EGFL6: variants seen among roughly 807,000 people sequenced by gnomAD.
EGFL6 encodes the protein EGF like domain multiple 6, also known as epidermal growth factor-like protein 6.
A neutral mutation model predicts 43.1 loss-of-function variants in EGFL6; 42 were observed. That is an observed-to-expected ratio of 0.98 (90% confidence interval 0.76 to 1.26). The LOEUF (loss-of-function observed/expected upper bound fraction) is 1.26, where lower values mean the gene tolerates loss of function less well. EGFL6 is among the 50% of genes most tolerant of loss of function. EGFL6 has a pLI of 0.00. For synonymous variants in EGFL6, 164 were observed against 163.2 expected (o/e 1.01, Z -0.04); for missense variants, 429 against 427.8 (o/e 1.00, Z -0.02).
chrX:13,570,548 C>G (rs1195897641), intron 1 of EGFL6, among the ~76,000 whole-genome samples: 3 of 111,943 alleles, frequency 2.7e-5, no homozygotes, highest in African/African-American at 9.8e-5. Flanking sequence ...GCAATGCAGA[C>G]TCTGAAGCCG....
intron 11 of EGFL6, among the ~76,000 whole-genome samples, chrX:13,629,185 C>T (rs1026399506): frequency 8.9e-5 from 10 of 112,188 alleles, no homozygotes; most frequent in Non-Finnish European, 1.7e-4. Context: ...TATAGCAGTA[C>T]ATTTAAATCA....
chrX:13,615,770 A>T (rs377145945), intron 7 of EGFL6, among the ~76,000 whole-genome samples: 1 of 111,941 alleles, frequency 8.9e-6, no homozygotes, highest in East Asian at 2.8e-4. Flanking sequence ...TTTTCAAAGC[A>T]TTTTTCCCCC....
chrX:13,587,629 G>A (rs2045540887), intron 1 of EGFL6, among the ~76,000 whole-genome samples: 1 of 112,085 alleles, frequency 8.9e-6, no homozygotes, highest in African/African-American at 3.2e-5. Flanking sequence ...GGTCAAGATT[G>A]TGGTATCCCT....
At chrX:13,616,859 A>ATTTTTT (rs773399610) in intron 7 of EGFL6, among the ~76,000 whole-genome samples, 1 of 88,985 alleles carries the variant, frequency 1.1e-5, no homozygotes, top group Non-Finnish European at 2.2e-5. Flanking sequence ...CTAGAGGTAC[A>ATTTTTT]TTTTTTTTTT....
intron 1 of EGFL6, among the ~76,000 whole-genome samples, chrX:13,584,694 G>A (rs772454690): frequency 4.5e-5 from 5 of 111,962 alleles, no homozygotes; most frequent in Non-Finnish European, 9.4e-5. Context: ...TCCCTCTGAC[G>A]CTCTATATCC....
chrX:13,622,524 A>C (rs1388712523), intron 9 of EGFL6, among the ~76,000 whole-genome samples: 1 of 112,142 alleles, frequency 8.9e-6, no homozygotes, highest in Non-Finnish European at 1.9e-5. Context: ...TAAAGCCCCA[A>C]AATCAGAGCC....
intron 1 of EGFL6, among the ~76,000 whole-genome samples, chrX:13,580,950 TA>T (rs766982186): frequency 8.9e-6 from 1 of 112,067 alleles, no homozygotes; most frequent in Non-Finnish European, 1.9e-5. Context: ...GCTGTCTTGA[TA>T]ACACTTGCTT....
intron 1 of EGFL6, 83 bp from the exon 2 acceptor site, chrX:13,589,473 T>C (rs760895925): frequency 1.3e-6 from 1 of 790,163 alleles, no homozygotes; most frequent in East Asian, 3.6e-5. Context: ...GTAATTGACA[T>C]CTCTGGTTCT....
In EGFL6 at chrX:13,580,825, A is replaced by G. The variant is rs187925048; in HGVS notation, c.75-8731A>G. Among the ~76,000 whole-genome samples, 140 of 112,426 alleles carry G rather than the reference A, an allele frequency of 1.2e-3. 1 individual carries two copies. Among genetic ancestry groups the G allele is most frequent in the Middle Eastern group, 4.6e-3 (1 of 219 alleles). ...TAAAATTCATTCTACTTAAAATGAC[A>G]TAAATGGCTCTACTTGACCTAGACT... On this transcript the variant is annotated intron_variant, in intron 1 of 11. Coordinates refer to ENST00000361306, the MANE Select transcript of EGFL6 (RefSeq NM_015507.4).
At chrX:13,606,556 C>T in intron 6 of EGFL6, 43 bp downstream of exon 6, 2 of 1,185,702 alleles carry the variant, frequency 1.7e-6, no homozygotes, top group South Asian at 1.8e-5. Context: ...CTGTCCCCAC[C>T]AAACCTTTGA....
chrX:13,611,603 A>G (rs1325059695), intron 7 of EGFL6, among the ~76,000 whole-genome samples: 1 of 112,364 alleles, frequency 8.9e-6, no homozygotes, highest in African/African-American at 3.2e-5. Context: ...ATGCAATTAG[A>G]TAGTTGTTTG....
At chrX:13,597,694 G>T (rs964493317) in intron 3 of EGFL6, among the ~76,000 whole-genome samples, 2 of 111,325 alleles carry the variant, frequency 1.8e-5, no homozygotes, top group African/African-American at 6.5e-5. Flanking sequence ...TGAGGCAGGA[G>T]AATCACATGA....
At chrX:13,599,904 G>A in intron 3 of EGFL6, 71 bp from the exon 4 acceptor site, 1 of 1,137,564 alleles carries the variant, frequency 8.8e-7, no homozygotes, top group South Asian at 1.9e-5. Flanking sequence ...CCAAGACTGG[G>A]GTCTAATATT....
chrX:13,571,487 G>A (rs995956134), intron 1 of EGFL6, among the ~76,000 whole-genome samples: 1 of 111,739 alleles, frequency 8.9e-6, no homozygotes, highest in Non-Finnish European at 1.9e-5. Context: ...GAATGCTAGA[G>A]GTTCTTGCGT....
intron 4 of EGFL6, among the ~76,000 whole-genome samples, chrX:13,600,673 G>A (rs774120408): frequency 9.8e-4 from 102 of 104,241 alleles, no homozygotes; most frequent in Non-Finnish European, 1.8e-3. Context: ...TGAGGCAGGT[G>A]GACTACCTGA....
intron 1 of EGFL6, among the ~76,000 whole-genome samples, chrX:13,579,915 A>T (rs1310546399): frequency 1.8e-5 from 2 of 110,935 alleles, no homozygotes; most frequent in African/African-American, 3.3e-5. Context: ...CTGTTAGCTG[A>T]CTTCCCCCAT....
chrX:13,627,394 T>C, intron 11 of EGFL6, 118 bp downstream of exon 11: 2 of 939,577 alleles, frequency 2.1e-6, no homozygotes, highest in Non-Finnish European at 2.9e-6. Context: ...TAAGACTTTT[T>C]CCCTACACTT....
rs1459675815 is a variant in EGFL6 at position 13,618,173 on chromosome X, C to A, written c.1102+120C>A. On this transcript the variant is annotated intron_variant, in intron 8 of 11. Transcript: ENST00000361306. Reference sequence around the variant, plus strand: ...AGTAAAATGGGTTGGGTCTTAAGTCCTGAGAAGCAACATTCTCTGTAATGT... The same window carrying A: ...AGTAAAATGGGTTGGGTCTTAAGTCATGAGAAGCAACATTCTCTGTAATGT... The A allele has an allele frequency of 7.6e-6, 5 of 660,027 alleles. No individual in the cohort carries two copies. The African/African-American group carries it at 1.1e-4, about 15-fold the overall frequency. 54.4% of individuals were successfully genotyped at this position (660,027 alleles called of 1,213,427 possible). A position where few individuals can be genotyped will look rare whatever the true frequency, so the allele number is the denominator to read the frequency against.
intron 11 of EGFL6, among the ~76,000 whole-genome samples, chrX:13,627,810 C>T (rs1323178198): frequency 1.8e-5 from 2 of 111,712 alleles, no homozygotes; most frequent in Non-Finnish European, 3.8e-5. Context: ...GGAAAAGACA[C>T]GTAGGGCAGA....
Sources: gnomAD v4.1 joint callset for allele counts (sites outside exome capture counted in the v4.1 genomes callset) on GRCh38, gnomAD v4.1.1 for gene constraint, MANE v1.5 for transcripts, NCBI Gene and HGNC (gene_info 2026-07-23, HGNC 2026-07-21) for gene names.